The following PPFIA2 variants were observed in gnomAD, a reference collection of about 807,000 sequenced individuals.
PPFIA2 encodes the protein liprin-alpha-2.
In PPFIA2, 46 loss-of-function variants were observed where a neutral mutation model predicts 175.5. That is an observed-to-expected ratio of 0.26 (90% confidence interval 0.21 to 0.34). PPFIA2 has a LOEUF of 0.34. Among genes scored for constraint, PPFIA2 ranks in the 10% least tolerant of loss-of-function variants. PPFIA2 has a pLI of 1.00. For synonymous variants in PPFIA2, 568 were observed against 511.4 expected (o/e 1.11, Z -1.49); for missense variants, 1,179 against 1,506.1 (o/e 0.78, Z 3.60).
intron 8 of PPFIA2, among the ~76,000 whole-genome samples, chr12:81,400,305 T>C (rs1435774459): frequency 6.6e-6 from 1 of 152,134 alleles, no homozygotes; most frequent in East Asian, 1.9e-4. Flanking sequence ...GTACCTATTT[T>C]TGTCATTGGT....
chr12:81,638,605 G>C (rs931181233), intron 4 of PPFIA2, among the ~76,000 whole-genome samples: 22 of 150,650 alleles, frequency 1.5e-4, no homozygotes, highest in Middle Eastern at 3.4e-3. Context: ...TGTACATAAG[G>C]ATTTCTTAGG....
chr12:81,336,652 T>A (rs1314109369), intron 21 of PPFIA2, among the ~76,000 whole-genome samples: 2 of 152,184 alleles, frequency 1.3e-5, no homozygotes, highest in Non-Finnish European at 2.9e-5. Flanking sequence ...ACATGTAGTA[T>A]AGCTGCTTTC....
intron 3 of PPFIA2, among the ~76,000 whole-genome samples, chr12:81,697,822 G>GT (rs1258855672): frequency 2.0e-5 from 3 of 152,102 alleles, no homozygotes; most frequent in Non-Finnish European, 4.4e-5. Context: ...AATAAGTAGA[G>GT]TTGAATGCCT....
At chr12:81,590,893 G>A (rs1238795316) in intron 4 of PPFIA2, among the ~76,000 whole-genome samples, 2 of 152,090 alleles carry the variant, frequency 1.3e-5, no homozygotes, top group African/African-American at 4.8e-5. Context: ...ACAGTAAATT[G>A]GTACCAGGAG....
intron 4 of PPFIA2, among the ~76,000 whole-genome samples, chr12:81,662,450 G>A (rs900281008): frequency 2.0e-5 from 3 of 152,136 alleles, no homozygotes; most frequent in African/African-American, 7.2e-5. Flanking sequence ...AGAAAATCTA[G>A]AAGAAATGGA....
Position 81,297,758 on chromosome 12 carries a change from A to T in PPFIA2, c.2724+1543T>A, listed in dbSNP as rs1278931690. Among the ~76,000 whole-genome samples, 3 of 152,076 alleles carry T rather than the reference A, an allele frequency of 2.0e-5. No individual in the cohort carries two copies. The East Asian group carries it at 5.8e-4, about 29-fold the overall frequency. On this transcript the variant is annotated intron_variant, in intron 23 of 32. Coordinates refer to ENST00000549396, the MANE Select transcript of PPFIA2 (RefSeq NM_003625.5). Reference sequence around the variant, plus strand: ...TACATTGTTACCAATGTCATCCATAATTAGACCTTAAAGAGTCTTTGATGC... The same window carrying T: ...TACATTGTTACCAATGTCATCCATATTTAGACCTTAAAGAGTCTTTGATGC...
At chr12:81,617,396 C>A (rs2061516565) in intron 4 of PPFIA2, among the ~76,000 whole-genome samples, 1 of 152,108 alleles carries the variant, frequency 6.6e-6, no homozygotes, top group Non-Finnish European at 1.5e-5. Flanking sequence ...TCTTTTGTAT[C>A]CCTTTTAAGG....
intron 30 of PPFIA2, among the ~76,000 whole-genome samples, 186 bp from the exon 31 acceptor site, chr12:81,263,576 A>G (rs1213002500): frequency 6.6e-6 from 1 of 152,232 alleles, no homozygotes; most frequent in Non-Finnish European, 1.5e-5. Context: ...GAGATTTGAT[A>G]TATAAATTTT....
At chr12:81,580,562 T>C (rs935732279) in intron 4 of PPFIA2, among the ~76,000 whole-genome samples, 8 of 151,400 alleles carry the variant, frequency 5.3e-5, no homozygotes, top group African/African-American at 1.7e-4. Flanking sequence ...TAAATAAATA[T>C]ATTTTAAATT....
At chr12:81,469,327 T>G (rs2056317857) in intron 4 of PPFIA2, among the ~76,000 whole-genome samples, 1 of 152,142 alleles carries the variant, frequency 6.6e-6, no homozygotes, top group Admixed American at 6.6e-5. Flanking sequence ...CCTGTGAAAT[T>G]TTTCAGACAA....
intron 11 of PPFIA2, among the ~76,000 whole-genome samples, chr12:81,372,663 A>T (rs2035458341): frequency 1.3e-5 from 2 of 151,546 alleles, no homozygotes; most frequent in Non-Finnish European, 3.0e-5. Flanking sequence ...AATGACAGGC[A>T]AAAGGAATGT....
intron 4 of PPFIA2, among the ~76,000 whole-genome samples, chr12:81,574,750 A>G (rs1381675196): frequency 2.6e-5 from 4 of 151,566 alleles, no homozygotes; most frequent in East Asian, 1.9e-4. Context: ...CTTGCATGCA[A>G]TTAGTCACGT....
intron 4 of PPFIA2, among the ~76,000 whole-genome samples, chr12:81,586,998 C>A (rs138267809): frequency 6.6e-6 from 1 of 151,958 alleles, no homozygotes; most frequent in African/African-American, 2.4e-5. Context: ...TTTAGAATAA[C>A]CTTATGACCT....
At chr12:81,618,323 T>C (rs2061621345) in intron 4 of PPFIA2, among the ~76,000 whole-genome samples, 3 of 152,002 alleles carry the variant, frequency 2.0e-5, no homozygotes, top group Admixed American at 6.6e-5. Flanking sequence ...TTATTAACTG[T>C]TTCATTCCTA....
At chr12:81,458,353 TACAAAA>T (rs1566918026) in intron 4 of PPFIA2, among the ~76,000 whole-genome samples, 194 of 71,884 alleles carry the variant, frequency 2.7e-3, no homozygotes, top group Middle Eastern at 5.3e-3. Flanking sequence ...TTTTTTTTTT[TACAAAA>T]TAACAAAATA....
In PPFIA2 at chr12:81,433,925, T is replaced by C. The variant is rs375497799; in HGVS notation, c.645+6047A>G. 2.6e-5 allele frequency among the ~76,000 whole-genome samples: 4 copies of C among 152,250 alleles called. No individual in the cohort carries two copies. The East Asian group carries it at 5.8e-4, about 22-fold the overall frequency. ...CTTTAGCCATTAATTAATTAGCCTG[T>C]TGGCAAAGAATTATAAAATAGTTCA... On this transcript the variant is annotated intron_variant, in intron 7 of 32. Coordinates refer to ENST00000549396, the MANE Select transcript of PPFIA2 (RefSeq NM_003625.5).
chr12:81,755,311 T>C (rs906306727), intron 2 of PPFIA2, among the ~76,000 whole-genome samples: 4 of 152,180 alleles, frequency 2.6e-5, no homozygotes, highest in Non-Finnish European at 4.4e-5. Flanking sequence ...CAAAGAAAAG[T>C]CAAACTCATC....
intron 3 of PPFIA2, among the ~76,000 whole-genome samples, chr12:81,730,352 TCA>T (rs2080710123): frequency 6.6e-6 from 1 of 151,628 alleles, no homozygotes; most frequent in Non-Finnish European, 1.5e-5. Context: ...TTTAAATGAC[TCA>T]CAGTTCCACA....
At chr12:81,307,301 G>A (rs576226716) in intron 22 of PPFIA2, among the ~76,000 whole-genome samples, 1 of 151,954 alleles carries the variant, frequency 6.6e-6, no homozygotes, top group South Asian at 2.1e-4. Flanking sequence ...TTCTTCAACC[G>A]TATCATGCAT....
Sources: gnomAD v4.1 joint callset for allele counts (sites outside exome capture counted in the v4.1 genomes callset) on GRCh38, gnomAD v4.1.1 for gene constraint, MANE v1.5 for transcripts, NCBI Gene and HGNC (gene_info 2026-07-23, HGNC 2026-07-21) for gene names.